The following FGD1 variants were observed in gnomAD, a reference collection of about 807,000 sequenced individuals.
The protein encoded by FGD1 is FYVE, RhoGEF and PH domain-containing protein 1.
In FGD1, 12 loss-of-function variants were observed where a neutral mutation model predicts 65.0. The observed-to-expected ratio is 0.18, with a 90% CI of 0.12 to 0.30. The LOEUF (loss-of-function observed/expected upper bound fraction) is 0.30. Among genes scored for constraint, FGD1 ranks in the 10% least tolerant of loss-of-function variants. The pLI is 1.00. For missense variants in FGD1, 542 were observed against 837.6 expected, an observed-to-expected ratio of 0.65 and a Z score of 4.36; for synonymous variants, 333 against 343.9, an observed-to-expected ratio of 0.97 and a Z score of 0.35.
chrX:54,468,048 G>A (rs1464014254), intron 5 of FGD1, 116 bp from the exon 6 acceptor site: 1 of 635,477 alleles, frequency 1.6e-6, no homozygotes, highest in Non-Finnish European at 2.5e-6. Flanking sequence ...TTGGTCTTGA[G>A]ACTGAGGAGA....
chrX:54,492,908 T>C (rs1923444944), intron 1 of FGD1, among the ~76,000 whole-genome samples: 1 of 83,355 alleles, frequency 1.2e-5, no homozygotes, highest in African/African-American at 6.8e-5. Context: ...AATCCCCATC[T>C]TGAATCAAAA....
At chrX:54,446,458 C>T (rs1319326945) in intron 17 of FGD1, 44 bp from the exon 18 acceptor site, 2 of 1,138,374 alleles carry the variant, frequency 1.8e-6, no homozygotes, top group Non-Finnish European at 1.2e-6. Flanking sequence ...TGGGGCTAGA[C>T]CTTTCCCCCG....
At chrX:54,451,041 T>A in intron 12 of FGD1, among the ~76,000 whole-genome samples, 1 of 108,960 alleles carries the variant, frequency 9.2e-6, no homozygotes, top group Non-Finnish European at 1.9e-5. Flanking sequence ...AGAGTGAGAC[T>A]CTGTCTCAAA....
At position 54,448,923 on chromosome X, in the gene FGD1, A is replaced by G. The variant is rs763053573; in HGVS notation, c.2319T>C (p.Tyr773=). Residue 773 remains tyrosine (Y), a synonymous_variant, in exon 16 of 18, where the codon TAT becomes TAC. Transcript: ENST00000375135. The stretch of plus-strand genomic sequence containing the variant: ...ACACACGGTTGGAGCGGTTGTTGTC[A>G]TAGACGAGGCGGGCCCGGAACTCGG... ...KCSEFRARLV[Y]DNNRSNRVCT... 1 of 1,211,262 alleles carries G rather than the reference A, an allele frequency of 8.3e-7. No homozygotes were observed. Among genetic ancestry groups the G allele is most frequent in the African/African-American group, 1.7e-5 (1 of 57,941 alleles).
At chrX:54,490,550 A>G (rs1438603065) in intron 1 of FGD1, among the ~76,000 whole-genome samples, 1 of 111,884 alleles carries the variant, frequency 8.9e-6, no homozygotes, top group Admixed American at 9.5e-5. Flanking sequence ...AAGATCTAGC[A>G]GAAAACAGAC....
At chrX:54,447,897 A>C (rs779172502) in intron 16 of FGD1, among the ~76,000 whole-genome samples, 215 of 112,140 alleles carry the variant, frequency 1.9e-3, no homozygotes, top group African/African-American at 6.1e-3. Flanking sequence ...ATGAAAATGT[A>C]TTGACTTGGA....
At chrX:54,459,232 G>T (rs1208002406) in intron 8 of FGD1, among the ~76,000 whole-genome samples, 1 of 111,870 alleles carries the variant, frequency 8.9e-6, no homozygotes, top group African/African-American at 3.2e-5. Context: ...TCTGTCTGGA[G>T]ATGTCTCATG....
intron 12 of FGD1, among the ~76,000 whole-genome samples, chrX:54,452,603 G>T (rs963976544): frequency 7.5e-4 from 83 of 110,414 alleles, no homozygotes; most frequent in African/African-American, 2.7e-3. Flanking sequence ...AAAATTAGCC[G>T]GGCGCGGTGG....
At chrX:54,464,722 T>C (rs1922722769) in intron 8 of FGD1, among the ~76,000 whole-genome samples, 1 of 110,918 alleles carries the variant, frequency 9.0e-6, no homozygotes, top group Non-Finnish European at 1.9e-5. Context: ...AGTGGTTCAA[T>C]GTGTAAGGAT....
chrX:54,466,811 A>G (rs148864286), intron 6 of FGD1, among the ~76,000 whole-genome samples: 7 of 95,280 alleles, frequency 7.3e-5, no homozygotes, highest in East Asian at 3.7e-4. Flanking sequence ...GTGCAGTGGT[A>G]CGATCTCGGC....
At position 54,460,837 on chromosome X, in the gene FGD1, C is replaced by T. The variant is rs766111307; in HGVS notation, c.1637-4270G>A. On this transcript the variant is annotated intron_variant, in intron 8 of 17. Transcript: ENST00000375135. Reference sequence around the variant, plus strand: ...CAATTTTAGAGGGATGGGCATTAGCCAGTGCATTTAGTAATAAAAGCAGCT... The same window carrying T: ...CAATTTTAGAGGGATGGGCATTAGCTAGTGCATTTAGTAATAAAAGCAGCT... Among the ~76,000 whole-genome samples the T allele has an allele frequency of 7.1e-4, 80 of 112,533 alleles. 2 individuals carry two copies. The highest frequency in any genetic ancestry group is 2.1e-3 in the Admixed American group (22 of 10,668).
At chrX:54,447,668 G>A (rs1265265832) in intron 16 of FGD1, among the ~76,000 whole-genome samples, 2 of 112,816 alleles carry the variant, frequency 1.8e-5, no homozygotes, top group African/African-American at 6.4e-5. Context: ...GGCAACGGCT[G>A]CTGCCTCTAC....
chrX:54,452,266 CAAAAAAA>C (rs776104292), intron 12 of FGD1, among the ~76,000 whole-genome samples: 1 of 28,825 alleles, frequency 3.5e-5, no homozygotes, highest in Non-Finnish European at 7.1e-5. Context: ...GACCCTATCT[CAAAAAAA>C]AAAAAAAAAA....
At chrX:54,467,605 C>G (rs945763879) in intron 6 of FGD1, among the ~76,000 whole-genome samples, 179 bp downstream of exon 6, 1 of 111,507 alleles carries the variant, frequency 9.0e-6, no homozygotes, top group South Asian at 3.7e-4. Context: ...ATTCACCTGC[C>G]TCAGCTTCCC....
At chrX:54,486,144 T>C (rs1923269832) in intron 1 of FGD1, among the ~76,000 whole-genome samples, 1 of 111,253 alleles carries the variant, frequency 9.0e-6, no homozygotes, top group East Asian at 2.9e-4. Context: ...TGGAGCGCAG[T>C]GGCACAATCT....
chrX:54,477,215 G>C (rs777124477), intron 1 of FGD1, among the ~76,000 whole-genome samples: 37 of 112,314 alleles, frequency 3.3e-4, no homozygotes, highest in African/African-American at 1.1e-3. Context: ...GATGGGGGTG[G>C]GGTATGCACC....
chrX:54,460,498 T>C (rs2147429616), intron 8 of FGD1, among the ~76,000 whole-genome samples: 1 of 112,343 alleles, frequency 8.9e-6, no homozygotes, highest in African/African-American at 3.2e-5. Context: ...ATCCCAGCAC[T>C]TTGGGAGGGC....
rs10127419 is a variant in FGD1 at position 54,449,956 on chromosome X, G to T, written c.2047-196C>A. ...TCTCAGTGTTACAAGTGTAAAATGG[G>T]GGAGGGGGAGTGGTGGCTGAAAAAC... On this transcript the variant is annotated intron_variant, in intron 13 of 17. Transcript: ENST00000375135. 0.14 allele frequency among the ~76,000 whole-genome samples: 15,129 copies of T among 110,619 alleles called. 2,025 individuals are homozygous for T. The highest frequency in any genetic ancestry group is 0.41 in the African/African-American group (12,414 of 30,128).
intron 1 of FGD1, among the ~76,000 whole-genome samples, chrX:54,476,358 T>C (rs1331389990): frequency 1.1e-4 from 8 of 72,782 alleles, no homozygotes; most frequent in South Asian, 5.7e-4. Flanking sequence ...TCTCCAGCCC[T>C]TTTTTTTTTT....
Sources: allele counts gnomAD v4.1 joint callset (sites outside exome capture counted in the v4.1 genomes callset), GRCh38; gene constraint gnomAD v4.1.1; transcripts MANE v1.5; gene names NCBI Gene and HGNC (gene_info 2026-07-23, HGNC 2026-07-21).